PTCD2: variants seen among roughly 807,000 people sequenced by gnomAD.
PTCD2 encodes the protein pentatricopeptide repeat-containing protein 2, mitochondrial.
PTCD2 carries 31 observed loss-of-function variants against 42.6 expected under a neutral mutation model. That is an observed-to-expected ratio of 0.73 (90% CI 0.55 to 0.98). PTCD2 has a LOEUF of 0.98. PTCD2 is among the 50% of genes least tolerant of loss of function. PTCD2 has a pLI of 0.00. For missense variants in PTCD2, 476 were observed against 454.8 expected (o/e 1.05, Z -0.42); for synonymous variants, 183 against 170.9 (o/e 1.07, Z -0.55).
At chr5:72,335,305 C>T (rs980883055) in intron 5 of PTCD2, among the ~76,000 whole-genome samples, 9 of 151,890 alleles carry the variant, frequency 5.9e-5, no homozygotes, top group East Asian at 3.9e-4. Flanking sequence ...AAAAATTAGC[C>T]GGGCGCGGTG....
intron 4 of PTCD2, among the ~76,000 whole-genome samples, chr5:72,334,716 A>C (rs1561382738): frequency 6.6e-6 from 1 of 152,024 alleles, no homozygotes; most frequent in Non-Finnish European, 1.5e-5. Flanking sequence ...ATGCCCAGCT[A>C]ATTTTTGTAT....
intron 9 of PTCD2, among the ~76,000 whole-genome samples, chr5:72,353,192 C>A (rs1169142226): frequency 1.3e-5 from 2 of 152,144 alleles, no homozygotes; most frequent in African/African-American, 4.8e-5. Flanking sequence ...CCTATATACC[C>A]ATGATGACTG....
At position 72,362,324 on chromosome 5, in the gene PTCD2, A is replaced by C. The variant is rs1275170241; in HGVS notation, c.*3897A>C. The C allele has an allele frequency of 6.6e-6, 1 of 152,218 alleles. No homozygotes were observed. The highest frequency in any genetic ancestry group is 1.9e-4 in the East Asian group (1 of 5,194). The allele number at this position is 152,218 out of a possible 1,614,324, so 9.4% of individuals were successfully genotyped here. On this transcript the variant is annotated 3_prime_UTR_variant, in exon 10 of 10. Coordinates refer to ENST00000380639, the MANE Select transcript of PTCD2 (RefSeq NM_024754.5). ...AGAAATTTGGTCACCCCTTCCTTTA[A>C]GCGAGGTCATGGCAAAAAGACGCTG... is the stretch of plus-strand genomic sequence containing the variant.
At chr5:72,348,765 T>C (rs1752484424) in intron 8 of PTCD2, among the ~76,000 whole-genome samples, 2 of 152,250 alleles carry the variant, frequency 1.3e-5, no homozygotes, top group Admixed American at 6.5e-5. Flanking sequence ...ATGTCTCCAA[T>C]TGGAGATCCA....
At chr5:72,347,247 G>A (rs1416774553) in intron 8 of PTCD2, among the ~76,000 whole-genome samples, 1 of 152,184 alleles carries the variant, frequency 6.6e-6, no homozygotes, top group Admixed American at 6.5e-5. Context: ...TTTTATCCAG[G>A]ACTGGGATTA....
intron 1 of PTCD2, chr5:72,321,055 C>T (rs554184406): frequency 2.6e-5 from 4 of 154,738 alleles, no homozygotes; most frequent in South Asian, 1.9e-4. Context: ...CCACCCGCCT[C>T]GGCCTCCCAA....
chr5:72,367,041 T>C lies in PTCD2; in HGVS notation c.*8614T>C, dbSNP rs935073802. On this transcript the variant is annotated 3_prime_UTR_variant, in exon 10 of 10. Transcript: ENST00000380639. ...AAAAGGAATTAGGATCTTGGTTATTTTGATTGTCTCTCTACCCTTCCAGAT... is the reference window on the plus strand; with the variant it reads ...AAAAGGAATTAGGATCTTGGTTATTCTGATTGTCTCTCTACCCTTCCAGAT... The C allele has an allele frequency of 3.9e-5, 6 of 152,202 alleles. 1 individual carries two copies. Among genetic ancestry groups the C allele is most frequent in the Admixed American group, 3.9e-4 (6 of 15,282 alleles). 9.4% of individuals were successfully genotyped at this position (152,202 alleles called of 1,614,324 possible).
In PTCD2 at chr5:72,358,418, G is replaced by T; in HGVS notation, c.1158G>T (p.Leu386Phe). 1 of 1,612,690 alleles carries T rather than the reference G, an allele frequency of 6.2e-7. No individual in the cohort carries two copies. The highest frequency in any genetic ancestry group is 8.5e-7 in the Non-Finnish European group (1 of 1,179,460). The change falls in exon 10 of 10, where the codon TTG becomes TTT. Residue 386 changes from leucine (L) to phenylalanine (F), a missense_variant. Coordinates refer to ENST00000380639, the MANE Select transcript of PTCD2 (RefSeq NM_024754.5). ...RTFQPLSQSL[L>F]AE ...TCCAGCCACTCAGCCAGTCCCTGTT[G>T]GCTGAGTAACCCTGGTTTCAGTCCA...
intron 8 of PTCD2, among the ~76,000 whole-genome samples, chr5:72,345,136 C>T (rs1752293960): frequency 6.6e-6 from 1 of 152,150 alleles, no homozygotes; most frequent in South Asian, 2.1e-4. Flanking sequence ...TAAAAGAAGG[C>T]TGCCCCCTGA....
chr5:72,350,162 A>T (rs183206207), intron 8 of PTCD2, among the ~76,000 whole-genome samples: 19 of 152,284 alleles, frequency 1.2e-4, no homozygotes, highest in Admixed American at 9.2e-4. Context: ...CCAAACTGGG[A>T]TGGTTTTTAT....
intron 4 of PTCD2, among the ~76,000 whole-genome samples, chr5:72,332,635 A>G (rs1291007708): frequency 1.3e-5 from 2 of 152,248 alleles, no homozygotes; most frequent in African/African-American, 2.4e-5. Flanking sequence ...AATAAAAAAG[A>G]TGAAAGCAAA....
At chr5:72,323,050 T>C (rs917358304) in intron 2 of PTCD2, among the ~76,000 whole-genome samples, 8 of 152,014 alleles carry the variant, frequency 5.3e-5, no homozygotes, top group Non-Finnish European at 7.4e-5. Flanking sequence ...CTCCAGGGAC[T>C]GAGGTGGGAG....
At position 72,320,428 on chromosome 5, in the gene PTCD2, G is replaced by C. The variant is rs1750748126; in HGVS notation, c.46G>C (p.Val16Leu). 3.1e-6 allele frequency: 5 copies of C among 1,614,174 alleles called. No homozygotes were observed. The highest frequency in any genetic ancestry group is 4.2e-6 in the Non-Finnish European group (5 of 1,180,034). Residue 16 changes from valine (V) to leucine (L), a missense_variant, in exon 1 of 10, where the codon GTT becomes CTT. Val to Leu is a conservative substitution (Grantham distance 32). Transcript: ENST00000380639. ...MAAAFRPSNRVLLQALQILVY... is the reference protein window; with the variant it reads ...MAAAFRPSNRLLLQALQILVY... Reference sequence around the variant, plus strand: ...TGCTGCATTTCGGCCCTCGAATCGAGTTCTCCTGCAGGCGCTGCAGATTTT... The same window carrying C: ...TGCTGCATTTCGGCCCTCGAATCGACTTCTCCTGCAGGCGCTGCAGATTTT...
chr5:72,349,348 A>T (rs1275126446), intron 8 of PTCD2, among the ~76,000 whole-genome samples: 4 of 152,196 alleles, frequency 2.6e-5, no homozygotes, highest in African/African-American at 9.7e-5. Flanking sequence ...ACCATACCTA[A>T]TTGCAAAGAA....
At chr5:72,352,385 A>G (rs894628307) in intron 8 of PTCD2, among the ~76,000 whole-genome samples, 34 of 152,156 alleles carry the variant, frequency 2.2e-4, no homozygotes, top group African/African-American at 8.0e-4. Context: ...TGACCTCGTG[A>G]TCTGCCCACC....
In PTCD2 at chr5:72,366,557, G is replaced by T. The variant is rs1181185282; in HGVS notation, c.*8130G>T. On this transcript the variant is annotated 3_prime_UTR_variant, in exon 10 of 10. Transcript: ENST00000380639. ...AGAGCTGAAGAACTTACAATAGACG[G>T]CAGAGGGCGTCCAGAGTCACTATTT... 6.6e-6 allele frequency: 1 copy of T among 152,208 alleles called. No homozygotes were observed. Among genetic ancestry groups the T allele is most frequent in the Non-Finnish European group, 1.5e-5 (1 of 68,036 alleles). The allele number at this position is 152,208 out of a possible 1,614,324, so 9.4% of individuals were successfully genotyped here.
intron 3 of PTCD2, among the ~76,000 whole-genome samples, chr5:72,328,912 G>T (rs377483547): frequency 6.6e-6 from 1 of 152,122 alleles, no homozygotes; most frequent in East Asian, 1.9e-4. Context: ...TGGGGATCAG[G>T]GGGTATGAAC....
At chr5:72,342,885 C>A in intron 7 of PTCD2, 77 bp from the exon 8 acceptor site, 1 of 813,442 alleles carries the variant, frequency 1.2e-6, no homozygotes, top group South Asian at 2.0e-5. Context: ...TAGGAATATA[C>A]TGCCCTCTCT....
At chr5:72,340,643 G>A (rs1487563964) in intron 7 of PTCD2, among the ~76,000 whole-genome samples, 1 of 152,100 alleles carries the variant, frequency 6.6e-6, no homozygotes, top group Admixed American at 6.6e-5. Context: ...AAATTCTTTG[G>A]AGGAATGATA....
Sources: gnomAD v4.1 joint callset for allele counts (sites outside exome capture counted in the v4.1 genomes callset) on GRCh38, gnomAD v4.1.1 for gene constraint, MANE v1.5 for transcripts, NCBI Gene and HGNC (gene_info 2026-07-23, HGNC 2026-07-21) for gene names.